The following KIAA1958 variants were observed in gnomAD, a reference collection of about 807,000 sequenced individuals.
KIAA1958 encodes KIAA1958, also known as uncharacterized protein KIAA1958.
KIAA1958 carries 14 observed loss-of-function variants against 47.2 expected under a neutral mutation model. The observed-to-expected ratio is 0.30, with a 90% CI of 0.20 to 0.46. The LOEUF is 0.46. Ranked by LOEUF, KIAA1958 falls within the 20% of genes least tolerant of loss-of-function variation. KIAA1958 has a pLI of 1.00. For synonymous variants in KIAA1958, 354 were observed against 353.3 expected, an observed-to-expected ratio of 1.00 and a Z score of -0.02; for missense variants, 803 against 909.2, an observed-to-expected ratio of 0.88 and a Z score of 1.50.
At chr9:112,532,087 G>T (rs1024808168) in intron 1 of KIAA1958, among the ~76,000 whole-genome samples, 5 of 152,124 alleles carry the variant, frequency 3.3e-5, no homozygotes, top group African/African-American at 1.2e-4. Context: ...ACACTGTCTA[G>T]CTGCTTCTAA....
chr9:112,506,242 G>A (rs1451730552), intron 1 of KIAA1958, among the ~76,000 whole-genome samples: 1 of 152,146 alleles, frequency 6.6e-6, no homozygotes, highest in Admixed American at 6.5e-5. Flanking sequence ...GGATCACAAG[G>A]TCAGGAGATC....
intron 2 of KIAA1958, among the ~76,000 whole-genome samples, chr9:112,639,858 A>C (rs760284256): frequency 3.4e-4 from 52 of 152,236 alleles, no homozygotes; most frequent in Non-Finnish European, 6.2e-4. Context: ...TTAAAAGTGC[A>C]TAGTTCAGGA....
intron 1 of KIAA1958, among the ~76,000 whole-genome samples, chr9:112,509,091 T>C (rs1209124538): frequency 2.0e-5 from 3 of 152,152 alleles, no homozygotes; most frequent in Non-Finnish European, 4.4e-5. Flanking sequence ...TTAATGTTTT[T>C]TTTTTTGTCA....
chr9:112,558,054 G>T (rs528213540), intron 1 of KIAA1958, among the ~76,000 whole-genome samples: 2 of 151,910 alleles, frequency 1.3e-5, no homozygotes, highest in Non-Finnish European at 2.9e-5. Context: ...GTGAAACCCC[G>T]TCTCTACTAA....
chr9:112,666,476 A>T lies in KIAA1958; in HGVS notation c.*6407A>T, dbSNP rs901024272. On this transcript the variant is annotated 3_prime_UTR_variant, in exon 4 of 4. Transcript: ENST00000337530. ...GAGTTAGTCCAGAACTCTCTCCTCC[A>T]TATCACAGCTGAGAAGATTTAGATT... The T allele has an allele frequency of 6.6e-6, 1 of 152,192 alleles. No individual in the cohort carries two copies. Among genetic ancestry groups the T allele is most frequent in the African/African-American group, 2.4e-5 (1 of 41,444 alleles). 9.4% of individuals were successfully genotyped at this position (152,192 alleles called of 1,614,324 possible). A position where few individuals can be genotyped will look rare whatever the true frequency, so the allele number is the denominator to read the frequency against.
intron 1 of KIAA1958, among the ~76,000 whole-genome samples, chr9:112,567,630 T>TA (rs1160540617): frequency 1.3e-5 from 2 of 152,036 alleles, no homozygotes; most frequent in Non-Finnish European, 2.9e-5. Flanking sequence ...CCCTAAAGTC[T>TA]AAAATCCTGA....
intron 2 of KIAA1958, among the ~76,000 whole-genome samples, chr9:112,619,882 A>G (rs1434235480): frequency 5.3e-5 from 8 of 152,222 alleles, no homozygotes; most frequent in Admixed American, 3.3e-4. Context: ...TCCTCTTCAA[A>G]GTTCATATTC....
chr9:112,649,147 C>T (rs1036599471), intron 3 of KIAA1958, among the ~76,000 whole-genome samples: 76 of 151,746 alleles, frequency 5.0e-4, no homozygotes, highest in African/African-American at 1.6e-3. Flanking sequence ...AATGAAACAC[C>T]GAAAGAAAAG....
chr9:112,587,264 C>T (rs1394707543), intron 2 of KIAA1958, among the ~76,000 whole-genome samples: 1 of 152,138 alleles, frequency 6.6e-6, no homozygotes. Context: ...ATTCTCATAC[C>T]TCAGCCTCCT....
At chr9:112,503,640 C>T (rs1235815641) in intron 1 of KIAA1958, among the ~76,000 whole-genome samples, 1 of 128,552 alleles carries the variant, frequency 7.8e-6, no homozygotes, top group South Asian at 2.6e-4. Flanking sequence ...AAAAAAAGGT[C>T]AAGGGCTCCG....
intron 2 of KIAA1958, among the ~76,000 whole-genome samples, chr9:112,577,532 CT>C (rs369144296): frequency 0.052 from 7,485 of 142,710 alleles, 508 homozygotes; most frequent in African/African-American, 0.16. Context: ...TCCTGCCCCC[CT>C]TTTTTTTTTT....
chr9:112,544,263 C>T (rs4978495), intron 1 of KIAA1958, among the ~76,000 whole-genome samples: 145,418 of 152,344 alleles, frequency 0.95, 69,476 homozygotes, highest in African/African-American at 0.99. Context: ...AATGTCAGAT[C>T]TGAGAGGGCC....
intron 1 of KIAA1958, among the ~76,000 whole-genome samples, chr9:112,498,665 G>A (rs1834084452): frequency 1.3e-5 from 2 of 151,978 alleles, no homozygotes; most frequent in African/African-American, 4.8e-5. Flanking sequence ...ACGTGTTTTT[G>A]GGATACAGAG....
chr9:112,627,261 A>G (rs1435226453), intron 2 of KIAA1958, among the ~76,000 whole-genome samples: 3 of 152,202 alleles, frequency 2.0e-5, no homozygotes, highest in Non-Finnish European at 4.4e-5. Context: ...AACTTTTCTA[A>G]TACTCTCTCC....
intron 1 of KIAA1958, among the ~76,000 whole-genome samples, chr9:112,547,940 T>TGTA (rs1835069353): frequency 2.6e-5 from 4 of 152,216 alleles, no homozygotes; most frequent in African/African-American, 7.2e-5. Context: ...TTCTTTCTGT[T>TGTA]GATTCCAGGT....
In KIAA1958 at chr9:112,530,135, A is replaced by G. The variant is rs189202065; in HGVS notation, c.-25+43017A>G. The stretch of plus-strand genomic sequence containing the variant: ...TGGGATTACAGGCGTGAGCCACCAC[A>G]TCCGGCCTAGACTCCACTTTCTTGA... On this transcript the variant is annotated intron_variant, in intron 1 of 3. Transcript: ENST00000337530. Among the ~76,000 whole-genome samples the G allele has an allele frequency of 5.3e-3, 800 of 152,248 alleles. 6 individuals are homozygous for G. The highest frequency in any genetic ancestry group is 0.018 in the African/African-American group (753 of 41,560).
intron 1 of KIAA1958, among the ~76,000 whole-genome samples, chr9:112,544,939 C>G (rs1835003209): frequency 6.6e-6 from 1 of 151,912 alleles, no homozygotes; most frequent in Non-Finnish European, 1.5e-5. Context: ...CCACACTATA[C>G]CATCATATTA....
chr9:112,596,630 T>G (rs184210699), intron 2 of KIAA1958, among the ~76,000 whole-genome samples: 1 of 152,216 alleles, frequency 6.6e-6, no homozygotes, highest in African/African-American at 2.4e-5. Context: ...GTGTTGCTAT[T>G]GTCCACTGAC....
intron 2 of KIAA1958, among the ~76,000 whole-genome samples, chr9:112,590,421 C>T (rs936477228): frequency 5.3e-5 from 8 of 151,254 alleles, no homozygotes; most frequent in African/African-American, 1.9e-4. Context: ...GCGCGATCTC[C>T]GCTCACTGCA....
Sources: allele counts gnomAD v4.1 joint callset (sites outside exome capture counted in the v4.1 genomes callset), GRCh38; gene constraint gnomAD v4.1.1; transcripts MANE v1.5; gene names NCBI Gene and HGNC (gene_info 2026-07-23, HGNC 2026-07-21).